Variants in GRID2 observed in about 807,000 individuals in gnomAD.
The protein encoded by GRID2 is glutamate receptor ionotropic, delta-2.
Under a neutral mutation model 114.8 loss-of-function variants are expected in GRID2, and 33 were observed. The observed-to-expected ratio is 0.29, with a 90% CI of 0.22 to 0.38. The LOEUF (loss-of-function observed/expected upper bound fraction) is 0.38. Among genes scored for constraint, GRID2 ranks in the 10% least tolerant of loss-of-function variants. GRID2 has a pLI of 1.00. For synonymous variants in GRID2, 505 were observed against 449.9 expected (o/e 1.12, Z -1.55); for missense variants, 1,184 against 1,257.7 (o/e 0.94, Z 0.89).
intron 8 of GRID2, among the ~76,000 whole-genome samples, chr4:93,281,786 C>A (rs1047127193): frequency 6.6e-6 from 1 of 151,896 alleles, no homozygotes; most frequent in South Asian, 2.1e-4. Flanking sequence ...ATAGAGAAAG[C>A]TAGGAATCAT....
intron 12 of GRID2, among the ~76,000 whole-genome samples, chr4:93,491,319 C>T (rs1726983421): frequency 6.6e-6 from 1 of 151,768 alleles, no homozygotes; most frequent in African/African-American, 2.4e-5. Context: ...TTCATGTGGT[C>T]CTTATTGCTG....
intron 2 of GRID2, among the ~76,000 whole-genome samples, chr4:92,714,911 A>AT (rs1735457423): frequency 6.6e-6 from 1 of 152,098 alleles, no homozygotes; most frequent in African/African-American, 2.4e-5. Context: ...CCCTGGAGGC[A>AT]TTTTCCCCAT....
chr4:93,432,535 G>A (rs1281855701), intron 10 of GRID2, among the ~76,000 whole-genome samples: 1 of 152,102 alleles, frequency 6.6e-6, no homozygotes, highest in African/African-American at 2.4e-5. Flanking sequence ...TTGACCTTGA[G>A]GTTCATGGCA....
intron 4 of GRID2, among the ~76,000 whole-genome samples, chr4:93,122,894 T>TTTTTTG (rs1274075981): frequency 6.8e-6 from 1 of 147,348 alleles, no homozygotes; most frequent in Non-Finnish European, 1.5e-5. Context: ...ATGTGGGTTT[T>TTTTTTG]TTTTTTTTTT....
At chr4:93,737,714 C>T (rs1403902029) in intron 14 of GRID2, among the ~76,000 whole-genome samples, 1 of 152,088 alleles carries the variant, frequency 6.6e-6, no homozygotes, top group Non-Finnish European at 1.5e-5. Flanking sequence ...TTCCATCTCT[C>T]AAGAAAATTG....
intron 7 of GRID2, among the ~76,000 whole-genome samples, chr4:93,228,666 T>C (rs1466642485): frequency 6.6e-6 from 1 of 152,180 alleles, no homozygotes; most frequent in East Asian, 1.9e-4. Flanking sequence ...CTTCCAGCCT[T>C]ATCTATGTAG....
At chr4:93,215,763 C>T (rs976112413) in intron 5 of GRID2, among the ~76,000 whole-genome samples, 1 of 151,982 alleles carries the variant, frequency 6.6e-6, no homozygotes, top group African/African-American at 2.4e-5. Context: ...AACATTTACA[C>T]CTATGAATTA....
At chr4:92,872,013 G>T (rs1284836704) in intron 2 of GRID2, among the ~76,000 whole-genome samples, 2 of 152,130 alleles carry the variant, frequency 1.3e-5, no homozygotes, top group African/African-American at 2.4e-5. Context: ...GTATGTGTGA[G>T]TGTGTGTCTG....
chr4:92,449,693 ATATATATATATATATAT>A (rs1720794674), intron 1 of GRID2, among the ~76,000 whole-genome samples: 1 of 141,680 alleles, frequency 7.1e-6, no homozygotes, highest in African/African-American at 2.6e-5. Context: ...ATATATATAT[ATATATATATATATATAT>A]AACACTTAAG....
intron 1 of GRID2, among the ~76,000 whole-genome samples, chr4:92,584,831 A>G (rs1004281666): frequency 6.6e-6 from 1 of 152,050 alleles, no homozygotes; most frequent in East Asian, 1.9e-4. Flanking sequence ...AAACAAGGAC[A>G]CCTAACCTCC....
At chr4:92,954,514 C>T (rs1487661548) in intron 2 of GRID2, among the ~76,000 whole-genome samples, 1 of 151,942 alleles carries the variant, frequency 6.6e-6, no homozygotes, top group African/African-American at 2.4e-5. Context: ...GCAAGCTCCA[C>T]CTCCCAGGTT....
rs1747067491 is a variant in GRID2, at chr4:93,238,460, T to C, written c.1215T>C (p.Tyr405=). The change falls in exon 8 of 16, where the codon TAT becomes TAC. Residue 405 remains tyrosine, a synonymous_variant. Coordinates refer to ENST00000282020, the MANE Select transcript of GRID2 (RefSeq NM_001510.4). ...ACTTTGAAATCCTTGGAACCAACTA[T>C]GGAGAAGAGCTTGGCAGAGGTGTTC... ...NVHFEILGTN[Y]GEELGRGVRK... 1 of 1,610,244 alleles carries C rather than the reference T, an allele frequency of 6.2e-7. No individual in the cohort carries two copies. Among genetic ancestry groups the C allele is most frequent in the South Asian group, 1.1e-5 (1 of 90,998 alleles).
At chr4:93,738,062 A>G (rs891182827) in intron 14 of GRID2, among the ~76,000 whole-genome samples, 3 of 152,160 alleles carry the variant, frequency 2.0e-5, no homozygotes, top group African/African-American at 7.2e-5. Flanking sequence ...AAGTTTTCAG[A>G]GTAGTCCAGA....
chr4:93,164,702 A>G (rs1192183849), intron 4 of GRID2: 1 of 434,738 alleles, frequency 2.3e-6, no homozygotes, highest in Non-Finnish European at 4.7e-6. Flanking sequence ...AAGTGACAAA[A>G]TATGCTTAAT....
At chr4:92,804,185 T>A (rs547892154) in intron 2 of GRID2, among the ~76,000 whole-genome samples, 14 of 152,200 alleles carry the variant, frequency 9.2e-5, no homozygotes, top group Non-Finnish European at 1.5e-4. Flanking sequence ...TCTTCCAAGA[T>A]CTTCTTTGCA....
chr4:93,273,875 T>A (rs984472236), intron 8 of GRID2, among the ~76,000 whole-genome samples: 1 of 152,148 alleles, frequency 6.6e-6, no homozygotes, highest in South Asian at 2.1e-4. Context: ...AAGATAAATT[T>A]TCCTTTTCAT....
At chr4:92,513,778 A>G (rs1196425027) in intron 1 of GRID2, among the ~76,000 whole-genome samples, 1 of 151,866 alleles carries the variant, frequency 6.6e-6, no homozygotes, top group Non-Finnish European at 1.5e-5. Flanking sequence ...ATATTTATTG[A>G]ATGAGTTGAA....
chr4:92,320,950 T>C (rs1726282002), intron 1 of GRID2, among the ~76,000 whole-genome samples: 1 of 152,198 alleles, frequency 6.6e-6, no homozygotes, highest in Non-Finnish European at 1.5e-5. Context: ...TTTGATGGAA[T>C]CTTAGGTTGT....
intron 8 of GRID2, among the ~76,000 whole-genome samples, chr4:93,332,295 T>TGAGAGAGA (rs1353456848): frequency 0.071 from 9,095 of 127,940 alleles, 429 homozygotes; most frequent in African/African-American, 0.15. Context: ...TGTGTGTGTG[T>TGAGAGAGA]GTGTGAGAGA....
Sources: allele counts gnomAD v4.1 joint callset (sites outside exome capture counted in the v4.1 genomes callset), GRCh38; gene constraint gnomAD v4.1.1; transcripts MANE v1.5; gene names NCBI Gene and HGNC (gene_info 2026-07-23, HGNC 2026-07-21).